The following SMG7 variants were observed in gnomAD, a reference collection of about 807,000 sequenced individuals.
SMG7 encodes the protein SMG7 nonsense mediated mRNA decay factor, also known as nonsense-mediated mRNA decay factor SMG7.
A neutral mutation model predicts 148.2 loss-of-function variants in SMG7; 34 were observed. That is an observed-to-expected ratio of 0.23 (90% CI 0.17 to 0.31). SMG7 has a LOEUF of 0.31. SMG7 is among the 10% of genes least tolerant of loss of function. The pLI is 1.00. For missense variants in SMG7, 1,114 were observed against 1,408.4 expected, an observed-to-expected ratio of 0.79 and a Z score of 3.35; for synonymous variants, 492 against 515.1, an observed-to-expected ratio of 0.96 and a Z score of 0.61.
In SMG7 at chr1:183,546,059, C is replaced by T. The variant is rs751372328; in HGVS notation, c.2464C>T (p.Leu822Phe). 13 of 1,614,056 alleles carry T rather than the reference C, an allele frequency of 8.1e-6. No homozygotes were observed. The highest frequency in any genetic ancestry group is 1.0e-5 in the Non-Finnish European group (12 of 1,179,976). ...KIMPVKQPYYLQTQDPIKLFE... is the reference protein window; with the variant it reads ...KIMPVKQPYYFQTQDPIKLFE... The stretch of plus-strand genomic sequence containing the variant: ...TATGCCTGTGAAACAGCCCTACTAC[C>T]TTCAGACCCAAGACCCCATAAAACT... Residue 822 changes from leucine (L) to phenylalanine (F), a missense_variant, in exon 17 of 23, where the codon CTT becomes TTT. Around this residue, in one of 4 missense-constraint regions of SMG7, gnomAD observed 788 missense variants for 894.5 expected, o/e 0.88. Transcript: ENST00000688051.
chr1:183,531,548 A>G (rs1666863830), intron 8 of SMG7, among the ~76,000 whole-genome samples: 1 of 152,124 alleles, frequency 6.6e-6, no homozygotes. Flanking sequence ...AGTACCCGCT[A>G]TGTACCATGC....
chr1:183,501,588 A>T (rs1571865227), intron 1 of SMG7, among the ~76,000 whole-genome samples: 1 of 152,198 alleles, frequency 6.6e-6, no homozygotes, highest in African/African-American at 2.4e-5. Context: ...TTTACACCTG[A>T]CATACCACTG....
At chr1:183,495,958 G>A (rs960133423) in intron 1 of SMG7, among the ~76,000 whole-genome samples, 20 of 151,936 alleles carry the variant, frequency 1.3e-4, no homozygotes, top group African/African-American at 4.4e-4. Context: ...GAAAATTGAG[G>A]CCTGTCATGC....
chr1:183,477,379 A>C (rs1652499095), intron 1 of SMG7, among the ~76,000 whole-genome samples: 1 of 151,540 alleles, frequency 6.6e-6, no homozygotes, highest in Non-Finnish European at 1.5e-5. Flanking sequence ...GGAAAGGTCC[A>C]GAAAGTATCT....
chr1:183,543,337 A>G (rs1669279885), intron 14 of SMG7, among the ~76,000 whole-genome samples: 1 of 152,188 alleles, frequency 6.6e-6, no homozygotes, highest in African/African-American at 2.4e-5. Flanking sequence ...TTACAAATAA[A>G]TAGTACCTTT....
At chr1:183,477,501 TATATATGC>T (rs1405907520) in intron 1 of SMG7, among the ~76,000 whole-genome samples, 1 of 151,846 alleles carries the variant, frequency 6.6e-6, no homozygotes, top group Non-Finnish European at 1.5e-5. Context: ...TGCATATGTG[TATATATGC>T]ATATATACAT....
chr1:183,542,503 G>A lies in SMG7; in HGVS notation c.1842+1G>A. 1 of 1,609,948 alleles carries A rather than the reference G, an allele frequency of 6.2e-7. No individual in the cohort carries two copies. The highest frequency in any genetic ancestry group is 8.5e-7 in the Non-Finnish European group (1 of 1,178,200). On this transcript the variant is annotated splice_donor_variant, in intron 14 of 22. Coordinates refer to ENST00000688051, the MANE Select transcript of SMG7 (RefSeq NM_001375584.1). LOFTEE classifies it high-confidence loss of function. The stretch of plus-strand genomic sequence containing the variant: ...AGGAAAGCAGAATGTGGCAGTGCAG[G>A]TAAGCTGTATTTGAACTATAAAGCA...
At position 183,533,345 on chromosome 1, in the gene SMG7, A is replaced by T; in HGVS notation, c.1006+19A>T. The T allele has an allele frequency of 6.2e-7, 1 of 1,602,636 alleles. No individual in the cohort carries two copies. The highest frequency in any genetic ancestry group is 8.5e-7 in the Non-Finnish European group (1 of 1,173,856). On this transcript the variant is annotated intron_variant, in intron 9 of 22. Coordinates refer to ENST00000688051, the MANE Select transcript of SMG7 (RefSeq NM_001375584.1). Reference sequence around the variant, plus strand: ...CTCTTTAGTGAGTATTGAATTACTTAACATGTGCCATCTTTTTTGAAAAAC... The same window carrying T: ...CTCTTTAGTGAGTATTGAATTACTTTACATGTGCCATCTTTTTTGAAAAAC...
chr1:183,523,890 C>T (rs1665286606), intron 4 of SMG7, among the ~76,000 whole-genome samples: 2 of 151,042 alleles, frequency 1.3e-5, no homozygotes, highest in Admixed American at 1.3e-4. Flanking sequence ...AGTTCTTTAA[C>T]CCTCTCATGT....
At chr1:183,546,984 T>A in intron 17 of SMG7, 119 bp from the exon 18 acceptor site, 1 of 962,080 alleles carries the variant, frequency 1.0e-6, no homozygotes, top group Non-Finnish European at 1.5e-6. Flanking sequence ...CTTTGCCTAA[T>A]ACCATCTATC....
rs114725604 is a variant in SMG7, at chr1:183,514,643, C to A, written c.62-1231C>A. Among the ~76,000 whole-genome samples the A allele has an allele frequency of 4.5e-3, 683 of 152,310 alleles. 3 individuals are homozygous for A. The highest frequency in any genetic ancestry group is 0.016 in the African/African-American group (657 of 41,560). ...TTAGGGTTTGACCTTTATAGGGGACCTTTGGCTGCCCAGAAACTTTAACTA... is the reference window on the plus strand; with the variant it reads ...TTAGGGTTTGACCTTTATAGGGGACATTTGGCTGCCCAGAAACTTTAACTA... On this transcript the variant is annotated intron_variant, in intron 2 of 22. Coordinates refer to ENST00000688051, the MANE Select transcript of SMG7 (RefSeq NM_001375584.1).
intron 4 of SMG7, among the ~76,000 whole-genome samples, chr1:183,519,300 C>G (rs917130928): frequency 2.0e-5 from 3 of 152,052 alleles, no homozygotes; most frequent in Non-Finnish European, 2.9e-5. Context: ...TGAAAGAACT[C>G]AAGTATGGTT....
intron 13 of SMG7, 138 bp from the exon 14 acceptor site, chr1:183,541,938 C>G: frequency 1.4e-6 from 1 of 705,082 alleles, no homozygotes; most frequent in Non-Finnish European, 2.3e-6. Flanking sequence ...TTTTGTGTTA[C>G]CTGAATCCAC....
intron 1 of SMG7, chr1:183,473,760 T>C: frequency 3.0e-6 from 3 of 985,410 alleles, no homozygotes; most frequent in Non-Finnish European, 2.4e-6. Flanking sequence ...GAAAGATGTT[T>C]TTTAAAAAAT....
Position 183,530,389 on chromosome 1 carries a change from C to T in SMG7, c.843+856C>T, listed in dbSNP as rs114211820. 1.2e-3 allele frequency among the ~76,000 whole-genome samples: 182 copies of T among 152,130 alleles called. 2 individuals carry two copies. Among genetic ancestry groups the T allele is most frequent in the African/African-American group, 4.2e-3 (173 of 41,530 alleles). ...ATGCGAAATAGTTTTTACAGGTAAT[C>T]GCTTTTTGGTTGATACTTTCTATGT... On this transcript the variant is annotated intron_variant, in intron 8 of 22. Transcript: ENST00000688051.
intron 1 of SMG7, among the ~76,000 whole-genome samples, chr1:183,508,670 G>C (rs1220003629): frequency 6.6e-6 from 1 of 152,030 alleles, no homozygotes; most frequent in African/African-American, 2.4e-5. Context: ...TTCTTGTGAG[G>C]CAGTAACTCT....
intron 1 of SMG7, among the ~76,000 whole-genome samples, chr1:183,496,340 A>G (rs779680486): frequency 3.6e-4 from 55 of 152,044 alleles, no homozygotes; most frequent in Non-Finnish European, 6.9e-4. Context: ...ATGTTTCTCT[A>G]TTGGATCTTT....
chr1:183,528,156 T>C, intron 6 of SMG7, 129 bp downstream of exon 6: 1 of 531,074 alleles, frequency 1.9e-6, no homozygotes, highest in Non-Finnish European at 3.2e-6. Context: ...GTCATGTTTT[T>C]CCATTTAACT....
chr1:183,511,800 TGAA>T, intron 1 of SMG7, among the ~76,000 whole-genome samples: 1 of 152,182 alleles, frequency 6.6e-6, no homozygotes. Flanking sequence ...TGAGAGTGGC[TGAA>T]GAAGAAATAA....
Sources: allele counts gnomAD v4.1 joint callset (sites outside exome capture counted in the v4.1 genomes callset), GRCh38; gene constraint gnomAD v4.1.1; regional missense constraint gnomAD v4.1.1; transcripts MANE v1.5; gene names NCBI Gene and HGNC (gene_info 2026-07-23, HGNC 2026-07-21).